GTF3C1: variants seen among roughly 807,000 people sequenced by gnomAD.
GTF3C1 encodes the protein general transcription factor IIIC subunit 1.
In GTF3C1, 57 loss-of-function variants were observed where a neutral mutation model predicts 226.7. The observed-to-expected ratio is 0.25, with a 90% CI of 0.20 to 0.31. The LOEUF is 0.31. Among genes scored for constraint, GTF3C1 ranks in the 10% least tolerant of loss-of-function variants. The pLI is 1.00. For missense variants in GTF3C1, 2,217 were observed against 2,776.1 expected, an observed-to-expected ratio of 0.80 and a Z score of 4.53; for synonymous variants, 1,090 against 1,084.8, an observed-to-expected ratio of 1.00 and a Z score of -0.09.
chr16:27,462,266 C>A lies in GTF3C1; in HGVS notation c.6117+28G>T. ...CTGAGTGCACCCAGCCGCCTCCACA[C>A]CCTGCTGAACCCAGGAAGGCCCCAC... On this transcript the variant is annotated intron_variant, in intron 36 of 36. Transcript: ENST00000356183. The surrounding 1 kb of genome is among the most constrained non-coding windows in gnomAD (Gnocchi z 4.5). 6.6e-7 allele frequency: 1 copy of A among 1,523,412 alleles called. No homozygotes were observed. The allele number at this position is 1,523,412 out of a possible 1,614,324, so 94.4% of individuals were successfully genotyped here.
Position 27,463,598 on chromosome 16 carries a change from G to C in GTF3C1, c.5873-6C>G. On this transcript the variant is annotated splice_polypyrimidine_tract_variant and splice_region_variant and intron_variant, in intron 34 of 36. Transcript: ENST00000356183. The surrounding 1 kb of genome is among the most constrained non-coding windows in gnomAD (Gnocchi z 4.9). ...TCCGAAACTCTCTGTGAACCCTGAG[G>C]GAAGAGGAAGAGAATGTGAGAGACT... 6.4e-7 allele frequency: 1 copy of C among 1,565,394 alleles called. No individual in the cohort carries two copies. The highest frequency in any genetic ancestry group is 8.8e-7 in the Non-Finnish European group (1 of 1,135,368).
chr16:27,462,084 C>A lies in GTF3C1; in HGVS notation c.6117+210G>T. Reference sequence around the variant, plus strand: ...GCATCAGAGACAAGCACCCCGGGCACCCCATCTTCCAGCCTGGTCAGCAGC... The same window carrying A: ...GCATCAGAGACAAGCACCCCGGGCAACCCATCTTCCAGCCTGGTCAGCAGC... On this transcript the variant is annotated intron_variant, in intron 36 of 36. Transcript: ENST00000356183. The surrounding 1 kb of genome is among the most constrained non-coding windows in gnomAD (Gnocchi z 4.5). 1 of 576,696 alleles carries A rather than the reference C, an allele frequency of 1.7e-6. No individual in the cohort carries two copies. The highest frequency in any genetic ancestry group is 1.9e-5 in the African/African-American group (1 of 53,696). 35.7% of individuals were successfully genotyped at this position (576,696 alleles called of 1,614,324 possible). A position where few individuals can be genotyped will look rare whatever the true frequency, so the allele number is the denominator to read the frequency against.
In GTF3C1 at chr16:27,538,239, C is replaced by A; in HGVS notation, c.549G>T (p.Arg183=). 6.2e-7 allele frequency: 1 copy of A among 1,612,516 alleles called. No individual in the cohort carries two copies. The highest frequency in any genetic ancestry group is 8.5e-7 in the Non-Finnish European group (1 of 1,178,700). Residue 183 remains arginine, a synonymous_variant, in exon 3 of 37, where the codon CGG becomes CGT. Transcript: ENST00000356183. ...LPDFSYCILE[R]LGRSRWQGEL... Reference sequence around the variant, plus strand: ...CCCCTTGCCACCTGGACCGGCCTAGCCGTTCCAGGATGCAGTAGGAGAAGT... The same window carrying A: ...CCCCTTGCCACCTGGACCGGCCTAGACGTTCCAGGATGCAGTAGGAGAAGT...
intron 29 of GTF3C1, among the ~76,000 whole-genome samples, chr16:27,473,404 T>A (rs1211121537): frequency 6.6e-6 from 1 of 152,258 alleles, no homozygotes; most frequent in Non-Finnish European, 1.5e-5. Flanking sequence ...AACCAGCAGT[T>A]CCTGAGTATC....
chr16:27,537,080 A>AT (rs1555505228), intron 4 of GTF3C1, among the ~76,000 whole-genome samples: 1 of 152,202 alleles, frequency 6.6e-6, no homozygotes, highest in Non-Finnish European at 1.5e-5. Flanking sequence ...AATATCACAC[A>AT]TTGTTATCGC....
chr16:27,499,111 TTG>T (rs1461999186), intron 12 of GTF3C1, among the ~76,000 whole-genome samples: 2 of 152,342 alleles, frequency 1.3e-5, no homozygotes, highest in Admixed American at 6.5e-5. Flanking sequence ...TCCCAGTTGC[TTG>T]TGAGTCCTGA....
intron 5 of GTF3C1, 48 bp from the exon 6 acceptor site, chr16:27,528,769 T>C: frequency 6.4e-7 from 1 of 1,568,996 alleles, no homozygotes; most frequent in South Asian, 1.1e-5. Context: ...GCAAGATGTC[T>C]GAAATGACTA....
At chr16:27,483,923 T>C (rs1268445100) in intron 25 of GTF3C1, among the ~76,000 whole-genome samples, 3 of 152,140 alleles carry the variant, frequency 2.0e-5, no homozygotes, top group Non-Finnish European at 4.4e-5. Flanking sequence ...ACGTGGTACT[T>C]AGCGAGTCAG....
Position 27,549,662 on chromosome 16 carries a change from C to T in GTF3C1, c.221+8G>A, listed in dbSNP as rs1306912698. The T allele has an allele frequency of 6.6e-7, 1 of 1,512,000 alleles. No homozygotes were observed. The highest frequency in any genetic ancestry group is 2.0e-5 in the Admixed American group (1 of 49,864). The allele number at this position is 1,512,000 out of a possible 1,614,324, so 93.7% of individuals were successfully genotyped here. ...CCGCCCGCCCGCCAGGCCAGGCCGC[C>T]CGCTGACCGGTCCTGGAGCTGTAGG... On this transcript the variant is annotated splice_region_variant and intron_variant, in intron 1 of 36. Coordinates refer to ENST00000356183, the MANE Select transcript of GTF3C1 (RefSeq NM_001520.4).
intron 2 of GTF3C1, among the ~76,000 whole-genome samples, chr16:27,543,983 C>T (rs996587684): frequency 1.3e-5 from 2 of 151,984 alleles, no homozygotes; most frequent in African/African-American, 2.4e-5. Flanking sequence ...ATCTAAGAAG[C>T]GTGGGTGCAG....
chr16:27,509,757 C>CAAAA (rs770402001), intron 7 of GTF3C1, among the ~76,000 whole-genome samples: 26 of 58,604 alleles, frequency 4.4e-4, no homozygotes, highest in African/African-American at 9.6e-4. Flanking sequence ...GACTCCGTCT[C>CAAAA]AAAAAAAAAA....
chr16:27,542,974 G>A (rs985570435), intron 2 of GTF3C1, among the ~76,000 whole-genome samples: 1 of 152,250 alleles, frequency 6.6e-6, no homozygotes, highest in Non-Finnish European at 1.5e-5. Flanking sequence ...CAGAAGGCAG[G>A]TTTGGGTTGA....
At chr16:27,476,121 C>A (rs958323749) in intron 29 of GTF3C1, among the ~76,000 whole-genome samples, 7 of 152,122 alleles carry the variant, frequency 4.6e-5, no homozygotes, top group African/African-American at 1.7e-4. Context: ...TGAAATGCAC[C>A]AGGAGGAGAG....
chr16:27,461,382 C>T lies in GTF3C1; in HGVS notation c.6298G>A (p.Glu2100Lys), dbSNP rs759721942. Residue 2100 changes from glutamate (E) to lysine (K), a missense_variant, in exon 37 of 37, where the codon GAG becomes AAG. Coordinates refer to ENST00000356183, the MANE Select transcript of GTF3C1 (RefSeq NM_001520.4). This position sits in a 1 kb window ranked among gnomAD's most constrained non-coding sequence, Gnocchi z 5.3. ...TLRLGRVFPH[E>K]VNWNKWIHL ...TGGATCCACTTGTTCCAGTTGACCT[C>T]GTGGGGGAACACACGGCCCAGCCGG... 6.2e-6 allele frequency: 10 copies of T among 1,612,980 alleles called. No individual in the cohort carries two copies. The African/African-American group carries it at 1.1e-4, about 17-fold the overall frequency.
At chr16:27,509,737 G>A (rs571913955) in intron 7 of GTF3C1, among the ~76,000 whole-genome samples, 5 of 131,134 alleles carry the variant, frequency 3.8e-5, no homozygotes, top group East Asian at 2.2e-4. Context: ...CAGCCTGGGC[G>A]ACAGAGTGAG....
At chr16:27,530,588 G>A (rs1228345994) in intron 5 of GTF3C1, among the ~76,000 whole-genome samples, 1 of 152,282 alleles carries the variant, frequency 6.6e-6, no homozygotes, top group East Asian at 1.9e-4. Flanking sequence ...AGCTCTCTGT[G>A]ACCCCAATTT....
intron 2 of GTF3C1, among the ~76,000 whole-genome samples, chr16:27,544,553 C>G (rs2089136259): frequency 6.6e-6 from 1 of 151,316 alleles, no homozygotes; most frequent in African/African-American, 2.4e-5. Flanking sequence ...TGAGAGTAGA[C>G]AGGGAAGAAA....
intron 29 of GTF3C1, among the ~76,000 whole-genome samples, chr16:27,472,246 G>A (rs1385462619): frequency 2.6e-5 from 4 of 152,194 alleles, no homozygotes; most frequent in Admixed American, 2.0e-4. Flanking sequence ...AATCAACACA[G>A]AATCATCTCG....
At chr16:27,511,248 CCTCT>C (rs1264388847) in intron 7 of GTF3C1, among the ~76,000 whole-genome samples, 1 of 152,154 alleles carries the variant, frequency 6.6e-6, no homozygotes, top group Non-Finnish European at 1.5e-5. Context: ...GCGAACTTGC[CCTCT>C]CTCTCTTCTG....
Sources: gnomAD v4.1 joint callset for allele counts (sites outside exome capture counted in the v4.1 genomes callset) on GRCh38, gnomAD v4.1.1 for gene constraint, Gnocchi (gnomAD v3.1) non-coding constraint, MANE v1.5 for transcripts, NCBI Gene and HGNC (gene_info 2026-07-23, HGNC 2026-07-21) for gene names.